MTUS2: variants seen among roughly 807,000 people sequenced by gnomAD.
MTUS2 encodes microtubule associated scaffold protein 2.
In MTUS2, 40 loss-of-function variants were observed where a neutral mutation model predicts 114.1. The ratio of observed to expected loss-of-function variants is 0.35; its 90% confidence interval spans 0.27 to 0.46. The LOEUF is 0.46. Among genes scored for constraint, MTUS2 ranks in the 20% least tolerant of loss-of-function variants. MTUS2 has a pLI of 1.00. For synonymous variants in MTUS2, 688 were observed against 672.0 expected (o/e 1.02, Z -0.37); for missense variants, 1,679 against 1,705.4 (o/e 0.98, Z 0.27).
chr13:28,944,617 C>G (rs1882422516), intron 2 of MTUS2, among the ~76,000 whole-genome samples: 1 of 152,068 alleles, frequency 6.6e-6, no homozygotes, highest in Non-Finnish European at 1.5e-5. Context: ...TTATTTATGC[C>G]ACAACATTTA....
At chr13:29,330,188 C>A (rs1593310238) in intron 7 of MTUS2, among the ~76,000 whole-genome samples, 1 of 152,252 alleles carries the variant, frequency 6.6e-6, no homozygotes, top group South Asian at 2.1e-4. Context: ...TTGCATTTCG[C>A]TAATGACCAG....
chr13:29,330,992 T>TGG (rs1011741580), intron 7 of MTUS2, among the ~76,000 whole-genome samples: 1 of 152,202 alleles, frequency 6.6e-6, no homozygotes, highest in African/African-American at 2.4e-5. Flanking sequence ...GGTAGCTTGA[T>TGG]GGGGATAGCA....
chr13:29,480,833 C>G lies in MTUS2; in HGVS notation c.3399+469C>G, dbSNP rs753779335. Among the ~76,000 whole-genome samples the G allele has an allele frequency of 1.3e-5, 2 of 152,094 alleles. No individual in the cohort carries two copies. Among genetic ancestry groups the G allele is most frequent in the Admixed American group, 1.3e-4 (2 of 15,264 alleles). On this transcript the variant is annotated intron_variant, in intron 10 of 15. Transcript: ENST00000612955. The surrounding 1 kb of genome is among the most constrained non-coding windows in gnomAD (Gnocchi z 4.4). ...CCATGAGGGCAGAGAGAATAACAAG[C>G]AAACATGTATGTAGCACTCGTCCTA...
chr13:29,109,736 C>G (rs549503981), intron 5 of MTUS2, among the ~76,000 whole-genome samples: 2 of 152,152 alleles, frequency 1.3e-5, no homozygotes. Flanking sequence ...AATGATGTTT[C>G]TGTGGGCATT....
intron 7 of MTUS2, among the ~76,000 whole-genome samples, chr13:29,355,880 A>G (rs564802503): frequency 5.3e-5 from 8 of 152,154 alleles, no homozygotes; most frequent in Non-Finnish European, 1.2e-4. Context: ...TTTTCCCTTC[A>G]TTTAAAGATT....
chr13:29,145,124 A>G (rs1194974751), intron 5 of MTUS2, among the ~76,000 whole-genome samples: 4 of 152,244 alleles, frequency 2.6e-5, no homozygotes, highest in African/African-American at 9.6e-5. Context: ...ATCAAAGTTC[A>G]CATATACTAG....
At chr13:28,911,014 T>TA (rs1880390493) in intron 2 of MTUS2, among the ~76,000 whole-genome samples, 1 of 151,376 alleles carries the variant, frequency 6.6e-6, no homozygotes, top group Admixed American at 6.6e-5. Flanking sequence ...TAGCTGGGAC[T>TA]ACAGGCATCT....
At chr13:29,297,348 G>C (rs1358044266) in intron 6 of MTUS2, among the ~76,000 whole-genome samples, 1 of 152,008 alleles carries the variant, frequency 6.6e-6, no homozygotes, top group Non-Finnish European at 1.5e-5. Context: ...TTTTAAAAAA[G>C]ATACGTTTGT....
intron 6 of MTUS2, among the ~76,000 whole-genome samples, chr13:29,303,072 CCTGA>C (rs1370104720): frequency 1.3e-5 from 2 of 152,152 alleles, no homozygotes; most frequent in African/African-American, 4.8e-5. Context: ...AGTAGAATGG[CCTGA>C]CTGATAAAAT....
chr13:29,018,248 T>C (rs2479758), intron 2 of MTUS2, among the ~76,000 whole-genome samples: 63,007 of 151,932 alleles, frequency 0.41, 13,622 homozygotes, highest in South Asian at 0.65. Context: ...TCATTGGACC[T>C]TGAATGTCAA....
intron 8 of MTUS2, among the ~76,000 whole-genome samples, chr13:29,410,571 G>T (rs953249048): frequency 6.6e-6 from 1 of 152,008 alleles, no homozygotes; most frequent in Non-Finnish European, 1.5e-5. Context: ...TAATTTTTCT[G>T]TTGGGTTTTT....
chr13:28,862,103 G>A (rs546957106), intron 2 of MTUS2, among the ~76,000 whole-genome samples: 30 of 152,170 alleles, frequency 2.0e-4, no homozygotes, highest in African/African-American at 7.0e-4. Flanking sequence ...TACCCCCTTG[G>A]CCTCACACAT....
rs1482397312 is a variant in MTUS2 at position 28,839,238 on chromosome 13, G to GATTTAATTAAT, written c.-315-536_-315-526dup. 7.4e-4 allele frequency among the ~76,000 whole-genome samples: 112 copies of GATTTAATTAAT among 152,212 alleles called. 1 individual carries two copies. The highest frequency in any genetic ancestry group is 2.6e-3 in the African/African-American group (107 of 41,538). On this transcript the variant is annotated intron_variant, in intron 1 of 15. Coordinates refer to ENST00000612955, the MANE Select transcript of MTUS2 (RefSeq NM_001033602.4). ...TTTTTTGAATTGAAATTTTCTTAAC[G>GATTTAATTAAT]ATTTAATTAATATTAATGTTGTTAA...
At chr13:29,212,751 T>G (rs7997357) in intron 5 of MTUS2, among the ~76,000 whole-genome samples, 1 of 152,246 alleles carries the variant, frequency 6.6e-6, no homozygotes, top group African/African-American at 2.4e-5. Context: ...GTGTGGGAGC[T>G]TGTGTCCCCA....
intron 2 of MTUS2, among the ~76,000 whole-genome samples, chr13:28,930,295 G>A (rs1410401787): frequency 6.6e-6 from 1 of 152,134 alleles, no homozygotes; most frequent in East Asian, 1.9e-4. Flanking sequence ...CGGCAGCCTC[G>A]AGGCAGCTCT....
At chr13:29,091,462 C>T (rs929678463) in intron 4 of MTUS2, among the ~76,000 whole-genome samples, 5 of 151,832 alleles carry the variant, frequency 3.3e-5, no homozygotes, top group African/African-American at 4.8e-5. Flanking sequence ...TAAGGAATGC[C>T]GATCTCAGTA....
rs1007575248 is a variant in MTUS2 at position 29,503,276 on chromosome 13, C to T, written c.*70C>T. ...TCTCCACCCTGAGGGAGCACCGACC[C>T]GGTGCCGCCGGAGCTGGCCCTGTGC... On this transcript the variant is annotated 3_prime_UTR_variant, in exon 16 of 16. Coordinates refer to ENST00000612955, the MANE Select transcript of MTUS2 (RefSeq NM_001033602.4). 4.5e-6 allele frequency: 7 copies of T among 1,553,868 alleles called. 1 individual carries two copies. The Admixed American group carries it at 5.1e-5, about 11-fold the overall frequency.
chr13:29,450,720 ATAAGT>A (rs765680644), intron 9 of MTUS2, among the ~76,000 whole-genome samples: 9 of 152,182 alleles, frequency 5.9e-5, no homozygotes, highest in African/African-American at 2.2e-4. Flanking sequence ...AAAGACACAA[ATAAGT>A]TAACAGTGAA....
chr13:29,034,082 A>C lies in MTUS2; in HGVS notation c.2403A>C (p.Gly801=). The C allele has an allele frequency of 6.2e-7, 1 of 1,613,996 alleles. No homozygotes were observed. Among genetic ancestry groups the C allele is most frequent in the Non-Finnish European group, 8.5e-7 (1 of 1,179,882 alleles). The change falls in exon 4 of 16, where the codon GGA becomes GGC. Residue 801 remains glycine, a synonymous_variant. Coordinates refer to ENST00000612955, the MANE Select transcript of MTUS2 (RefSeq NM_001033602.4). Reference sequence around the variant, plus strand: ...CAGCGAGCGCCATCCACCCACCAGGACCCATAACAACAGCCACCAGTCTCT... The same window carrying C: ...CAGCGAGCGCCATCCACCCACCAGGCCCCATAACAACAGCCACCAGTCTCT... ...RSSASAIHPP[G]PITTATSLYS...
Sources: allele counts gnomAD v4.1 joint callset (sites outside exome capture counted in the v4.1 genomes callset), GRCh38; gene constraint gnomAD v4.1.1; non-coding constraint Gnocchi (gnomAD v3.1); transcripts MANE v1.5; gene names NCBI Gene and HGNC (gene_info 2026-07-23, HGNC 2026-07-21).